VIPR2: variants seen among roughly 807,000 people sequenced by gnomAD.
VIPR2 encodes vasoactive intestinal polypeptide receptor 2.
A neutral mutation model predicts 58.0 loss-of-function variants in VIPR2; 48 were observed. The observed-to-expected ratio is 0.83, with a 90% CI of 0.66 to 1.05. The LOEUF is 1.05. VIPR2 is among the 50% of genes least tolerant of loss of function. The pLI is 0.00. For synonymous variants in VIPR2, 243 were observed against 235.2 expected (o/e 1.03, Z -0.30); for missense variants, 534 against 558.0 (o/e 0.96, Z 0.43).
chr7:159,112,256 C>T (rs1398046001), intron 2 of VIPR2, among the ~76,000 whole-genome samples: 2 of 152,138 alleles, frequency 1.3e-5, no homozygotes, highest in East Asian at 3.9e-4. Context: ...TTTATTGGAC[C>T]GCACGTGAGG....
At chr7:159,139,768 G>A (rs3812313) in intron 2 of VIPR2, among the ~76,000 whole-genome samples, 19,128 of 152,192 alleles carry the variant, frequency 0.13, 1,262 homozygotes, top group East Asian at 0.15. Context: ...CTCCAGACGC[G>A]GGTGTAAGAA....
intron 2 of VIPR2, among the ~76,000 whole-genome samples, chr7:159,112,348 TGCAGCCGAAGGC>T (rs1796048442): frequency 6.6e-6 from 1 of 152,192 alleles, no homozygotes; most frequent in Non-Finnish European, 1.5e-5. Context: ...CAGCCGGAAG[TGCAGCCGAAGGC>T]GCAGCCGGAA....
At chr7:159,100,252 C>G (rs769045667) in intron 4 of VIPR2, among the ~76,000 whole-genome samples, 1 of 152,186 alleles carries the variant, frequency 6.6e-6, no homozygotes, top group Admixed American at 6.5e-5. Context: ...GCACACCTCA[C>G]CACTCCCCTA....
chr7:159,031,162 G>A lies in VIPR2; in HGVS notation c.1144-373C>T, dbSNP rs189372922. ...TCCTTCCCTGTTCCCAGCGGGCAGG[G>A]AATGTTAGCCCTGGGAGGGGGTGGG... On this transcript the variant is annotated intron_variant, in intron 12 of 12. Coordinates refer to ENST00000262178, the MANE Select transcript of VIPR2 (RefSeq NM_003382.5). The surrounding 1 kb of genome is among the most constrained non-coding windows in gnomAD (Gnocchi z 4.0). 3.8e-4 allele frequency among the ~76,000 whole-genome samples: 58 copies of A among 152,322 alleles called. No homozygotes were observed. Among genetic ancestry groups the A allele is most frequent in the Middle Eastern group, 6.8e-3 (2 of 294 alleles).
intron 10 of VIPR2, among the ~76,000 whole-genome samples, chr7:159,033,720 C>T (rs1020877140): frequency 6.6e-5 from 10 of 152,024 alleles, no homozygotes; most frequent in East Asian, 3.9e-4. Context: ...AGTAGACACA[C>T]GGCCATGGAC....
intron 6 of VIPR2, among the ~76,000 whole-genome samples, chr7:159,040,295 C>T (rs935193110): frequency 1.6e-4 from 24 of 152,226 alleles, no homozygotes; most frequent in African/African-American, 5.3e-4. Flanking sequence ...CACCAAGGCC[C>T]GGTGCCCAGT....
chr7:159,141,261 C>G (rs1797453979), intron 2 of VIPR2, among the ~76,000 whole-genome samples: 1 of 152,260 alleles, frequency 6.6e-6, no homozygotes, highest in African/African-American at 2.4e-5. Context: ...TTGCCTTTCT[C>G]TGGACAGAGT....
At chr7:159,077,509 G>T (rs959429187) in intron 4 of VIPR2, among the ~76,000 whole-genome samples, 16 of 151,216 alleles carry the variant, frequency 1.1e-4, no homozygotes, top group African/African-American at 3.4e-4. Context: ...ACTGTTATCA[G>T]ATTCTAGCCC....
At chr7:159,110,240 C>T (rs1176295221) in intron 2 of VIPR2, among the ~76,000 whole-genome samples, 2 of 152,166 alleles carry the variant, frequency 1.3e-5, no homozygotes, top group Admixed American at 6.5e-5. Flanking sequence ...TGTAAGGCCC[C>T]GTCGGGGAGG....
At chr7:159,062,207 C>T (rs1855720462) in intron 4 of VIPR2, among the ~76,000 whole-genome samples, 1 of 152,182 alleles carries the variant, frequency 6.6e-6, no homozygotes, top group Non-Finnish European at 1.5e-5. Flanking sequence ...CCGAAGGGTT[C>T]AGCCTGAGCC....
chr7:159,095,818 T>C lies in VIPR2; in HGVS notation c.357+7939A>G, dbSNP rs1005440590. ...CCCTTCAAAACTCTTCCTTCTCTCT[T>C]TTTTTTTTAAGTCTTTAACAGACCT... On this transcript the variant is annotated intron_variant, in intron 4 of 12. Transcript: ENST00000262178. The surrounding 1 kb of genome is among the most constrained non-coding windows in gnomAD (Gnocchi z 5.2). Among the ~76,000 whole-genome samples the C allele has an allele frequency of 2.8e-4, 19 of 67,782 alleles. 1 individual carries two copies. The highest frequency in any genetic ancestry group is 2.6e-3 in the East Asian group (8 of 3,074). 44.5% of individuals were successfully genotyped at this position (67,782 alleles called of 152,430 possible). A position where few individuals can be genotyped will look rare whatever the true frequency, so the allele number is the denominator to read the frequency against.
chr7:159,058,720 A>G (rs1182044030), intron 4 of VIPR2, 142 bp from the exon 5 acceptor site: 1 of 630,666 alleles, frequency 1.6e-6, no homozygotes, highest in Non-Finnish European at 2.7e-6. Flanking sequence ...TCGCTTTATA[A>G]TTCCACCTCC....
chr7:159,059,054 T>A (rs1356651112), intron 4 of VIPR2, among the ~76,000 whole-genome samples: 1 of 152,266 alleles, frequency 6.6e-6, no homozygotes, highest in Non-Finnish European at 1.5e-5. Flanking sequence ...CAGAGCCAGC[T>A]GCTGAGCTGC....
At chr7:159,142,838 T>A (rs144929073) in intron 1 of VIPR2, among the ~76,000 whole-genome samples, 2,159 of 152,348 alleles carry the variant, frequency 0.014, 31 homozygotes, top group Admixed American at 0.036. Flanking sequence ...CAGAGCTCTT[T>A]ACTCCATTCA....
intron 8 of VIPR2, chr7:159,035,637 G>A (rs1853892896): frequency 1.0e-6 from 1 of 965,254 alleles, no homozygotes; most frequent in African/African-American, 1.8e-5. Flanking sequence ...ACAACATGCA[G>A]GGCACTTGGC....
intron 2 of VIPR2, among the ~76,000 whole-genome samples, chr7:159,113,153 G>A (rs1164666589): frequency 2.0e-5 from 3 of 152,178 alleles, no homozygotes; most frequent in Non-Finnish European, 2.9e-5. Context: ...GTAGCCCAGC[G>A]CCTAGGAACC....
Position 159,030,518 on chromosome 7 carries a change from A to G in VIPR2, c.*98T>C. ...TCAGGACCGCGCTGACCTGCCCGAC[A>G]CGGTGCTCGGGCATCTGGAAGGAGG... On this transcript the variant is annotated 3_prime_UTR_variant, in exon 13 of 13. Transcript: ENST00000262178. 7.1e-7 allele frequency: 1 copy of G among 1,407,926 alleles called. No individual in the cohort carries two copies. The highest frequency in any genetic ancestry group is 9.4e-7 in the Non-Finnish European group (1 of 1,065,548). The allele number at this position is 1,407,926 out of a possible 1,614,324, so 87.2% of individuals were successfully genotyped here.
intron 2 of VIPR2, among the ~76,000 whole-genome samples, chr7:159,125,021 G>T (rs1796602441): frequency 1.3e-5 from 2 of 152,154 alleles, no homozygotes; most frequent in South Asian, 4.2e-4. Context: ...TTTATCAGCT[G>T]AAGGAGCTTT....
At chr7:159,056,876 G>C (rs1200727579) in intron 5 of VIPR2, among the ~76,000 whole-genome samples, 1 of 152,178 alleles carries the variant, frequency 6.6e-6, no homozygotes, top group Non-Finnish European at 1.5e-5. Context: ...CCCAAGCCTA[G>C]AGCTGCACAC....
Sources: gnomAD v4.1 joint callset for allele counts (sites outside exome capture counted in the v4.1 genomes callset) on GRCh38, gnomAD v4.1.1 for gene constraint, Gnocchi (gnomAD v3.1) non-coding constraint, MANE v1.5 for transcripts, NCBI Gene and HGNC (gene_info 2026-07-23, HGNC 2026-07-21) for gene names.